The following WNT7B variants were observed in gnomAD, a reference collection of about 807,000 sequenced individuals.
The protein encoded by WNT7B is protein Wnt-7b.
WNT7B carries 19 observed loss-of-function variants against 38.2 expected under a neutral mutation model. That is an observed-to-expected ratio of 0.50 (90% CI 0.35 to 0.73). WNT7B has a LOEUF of 0.73. Ranked by LOEUF, WNT7B falls within the 30% of genes least tolerant of loss-of-function variation. WNT7B has a pLI of 0.01. For missense variants in WNT7B, 423 were observed against 507.9 expected, an observed-to-expected ratio of 0.83 and a Z score of 1.61; for synonymous variants, 243 against 209.3, an observed-to-expected ratio of 1.16 and a Z score of -1.39.
At chr22:45,971,056 G>A (rs962097679) in intron 1 of WNT7B, among the ~76,000 whole-genome samples, 1 of 152,222 alleles carries the variant, frequency 6.6e-6, no homozygotes, top group Non-Finnish European at 1.5e-5. Context: ...AAAACTGGTA[G>A]GATAGTAATT....
intron 3 of WNT7B, among the ~76,000 whole-genome samples, chr22:45,928,679 A>C (rs1418653873): frequency 1.3e-5 from 2 of 151,960 alleles, no homozygotes; most frequent in Non-Finnish European, 2.9e-5. Context: ...GTCACCAGAC[A>C]CCTCCAAGTC....
chr22:45,970,160 T>C (rs951854018), intron 1 of WNT7B, among the ~76,000 whole-genome samples: 3 of 152,194 alleles, frequency 2.0e-5, no homozygotes, highest in African/African-American at 4.8e-5. Flanking sequence ...CCTCTCCGCT[T>C]GGGGAAGGCT....
At position 45,976,589 on chromosome 22, in the gene WNT7B, C is replaced by T; in HGVS notation, c.71+95G>A. 1 of 1,359,954 alleles carries T rather than the reference C, an allele frequency of 7.4e-7. No homozygotes were observed. Among genetic ancestry groups the T allele is most frequent in the East Asian group, 2.6e-5 (1 of 38,764 alleles). The allele number at this position is 1,359,954 out of a possible 1,614,324, so 84.2% of individuals were successfully genotyped here. ...GGAGCCCAGAGAGCTGCAGTGGCCC[C>T]CTCCAGTCCCCACGTCCCCACGGGG... On this transcript the variant is annotated intron_variant, in intron 1 of 3. Transcript: ENST00000339464. This position sits in a 1 kb window ranked among gnomAD's most constrained non-coding sequence, Gnocchi z 8.5.
chr22:45,929,271 G>A (rs1931206685), intron 3 of WNT7B, among the ~76,000 whole-genome samples: 1 of 152,304 alleles, frequency 6.6e-6, no homozygotes, highest in East Asian at 1.9e-4. Context: ...GGCATGGACT[G>A]TGATCTGCCT....
intron 1 of WNT7B, among the ~76,000 whole-genome samples, chr22:45,961,321 G>A (rs1285359081): frequency 2.6e-5 from 4 of 152,190 alleles, no homozygotes; most frequent in Non-Finnish European, 4.4e-5. Flanking sequence ...CCATCTGAGA[G>A]CAGGGAACAA....
intron 2 of WNT7B, among the ~76,000 whole-genome samples, chr22:45,931,849 A>C (rs1931371962): frequency 6.6e-6 from 1 of 152,118 alleles, no homozygotes; most frequent in Non-Finnish European, 1.5e-5. Flanking sequence ...GGGACCAGGC[A>C]TGCATGGCTG....
At chr22:45,947,705 A>G (rs891924937) in intron 2 of WNT7B, among the ~76,000 whole-genome samples, 1 of 152,172 alleles carries the variant, frequency 6.6e-6, no homozygotes, top group African/African-American at 2.4e-5. Flanking sequence ...TGACACCAGG[A>G]AGGTCACAAG....
rs1930913216 is a variant in WNT7B, at chr22:45,920,984, T to A, written c.*1872A>T. 6.6e-6 allele frequency: 1 copy of A among 152,142 alleles called. No individual in the cohort carries two copies. Among genetic ancestry groups the A allele is most frequent in the Non-Finnish European group, 1.5e-5 (1 of 68,092 alleles). The allele number at this position is 152,142 out of a possible 1,614,324, so 9.4% of individuals were successfully genotyped here. On this transcript the variant is annotated 3_prime_UTR_variant, in exon 4 of 4. Transcript: ENST00000339464. ...CACGGTGGCCCGGAGACTCAGAGCG[T>A]CCAGGCATGGTTAGAGGCACATGGG...
intron 1 of WNT7B, chr22:45,972,116 G>GGGGGGGGGCCCCCCCC: frequency 9.4e-6 from 5 of 530,734 alleles, no homozygotes; most frequent in Admixed American, 4.1e-5. Context: ...CCCGGGGGGA[G>GGGGGGGGGCCCCCCCC]CCCACCCGCC....
intron 1 of WNT7B, among the ~76,000 whole-genome samples, chr22:45,963,182 G>A (rs1932235058): frequency 2.6e-5 from 4 of 152,286 alleles, no homozygotes; most frequent in Non-Finnish European, 5.9e-5. Context: ...AGCCAGGCCA[G>A]CCCCACACAG....
At chr22:45,925,716 G>A (rs987871176) in intron 3 of WNT7B, 4 of 985,286 alleles carry the variant, frequency 4.1e-6, no homozygotes, top group African/African-American at 3.5e-5. Flanking sequence ...CGGCCTGCTC[G>A]GATGCTCCCC....
At chr22:45,943,633 G>A (rs1049535130) in intron 2 of WNT7B, among the ~76,000 whole-genome samples, 1 of 152,182 alleles carries the variant, frequency 6.6e-6, no homozygotes, top group African/African-American at 2.4e-5. Flanking sequence ...GGATCCTGGC[G>A]GGCGGTTCCC....
At chr22:45,924,812 G>T (rs1015794974) in intron 3 of WNT7B, among the ~76,000 whole-genome samples, 2 of 150,850 alleles carry the variant, frequency 1.3e-5, no homozygotes, top group African/African-American at 4.9e-5. Context: ...GTGCTGGGGG[G>T]CCCAAAGGCT....
At chr22:45,927,067 C>A (rs919950196) in intron 3 of WNT7B, 1 of 985,350 alleles carries the variant, frequency 1.0e-6, no homozygotes, top group Non-Finnish European at 1.2e-6. Flanking sequence ...GCTGTCCGGA[C>A]AACAGCCCCC....
At chr22:45,941,803 T>C (rs928664295) in intron 2 of WNT7B, among the ~76,000 whole-genome samples, 2 of 152,222 alleles carry the variant, frequency 1.3e-5, no homozygotes, top group Non-Finnish European at 2.9e-5. Flanking sequence ...AGGCCGTCAC[T>C]CCTCGAGCCT....
intron 1 of WNT7B, among the ~76,000 whole-genome samples, chr22:45,961,650 G>T (rs1932199380): frequency 6.6e-6 from 1 of 151,996 alleles, no homozygotes; most frequent in Admixed American, 6.5e-5. Context: ...CGGGGCTGGG[G>T]AGAGCAGAGG....
chr22:45,950,273 A>G (rs1010839889), intron 1 of WNT7B, 127 bp from the exon 2 acceptor site: 21 of 788,614 alleles, frequency 2.7e-5, no homozygotes, highest in Non-Finnish European at 3.7e-5. Flanking sequence ...CCAGGGCACA[A>G]GCAGATCCCT....
At chr22:45,964,527 G>A (rs1179556628) in intron 1 of WNT7B, among the ~76,000 whole-genome samples, 1 of 152,142 alleles carries the variant, frequency 6.6e-6, no homozygotes, top group Admixed American at 6.5e-5. Flanking sequence ...AGCCGCACCT[G>A]GAAATTCCCA....
chr22:45,928,769 G>A (rs1931181630), intron 3 of WNT7B, among the ~76,000 whole-genome samples: 3 of 152,196 alleles, frequency 2.0e-5, no homozygotes, highest in Admixed American at 6.5e-5. Context: ...GTTGGTCAGT[G>A]TCACTGCCCC....
Sources: allele counts gnomAD v4.1 joint callset (sites outside exome capture counted in the v4.1 genomes callset), GRCh38; gene constraint gnomAD v4.1.1; non-coding constraint Gnocchi (gnomAD v3.1); transcripts MANE v1.5; gene names NCBI Gene and HGNC (gene_info 2026-07-23, HGNC 2026-07-21).